TMEM260: variants seen among roughly 807,000 people sequenced by gnomAD.
The protein encoded by TMEM260 is protein O-mannosyl-transferase TMEM260.
In TMEM260, 82 loss-of-function variants were observed where a neutral mutation model predicts 88.9. That is an observed-to-expected ratio of 0.92 (90% CI 0.77 to 1.11). The LOEUF (loss-of-function observed/expected upper bound fraction) is 1.11. TMEM260 is among the 50% of genes least tolerant of loss of function. The pLI is 0.00. For missense variants in TMEM260, 902 were observed against 853.4 expected, an observed-to-expected ratio of 1.06 and a Z score of -0.71; for synonymous variants, 314 against 309.3, an observed-to-expected ratio of 1.02 and a Z score of -0.16.
At position 56,626,930 on chromosome 14, in the gene TMEM260, C is replaced by T. The variant is rs560145306; in HGVS notation, c.1547+1400C>T. Among the ~76,000 whole-genome samples, 63 of 152,234 alleles carry T rather than the reference C, an allele frequency of 4.1e-4. No individual in the cohort carries two copies. The South Asian group carries it at 4.6e-3, about 11-fold the overall frequency. ...ATAAATGACTTATTTTTAAAACATA[C>T]ACATATTCATACATACTGTATTATA... is the stretch of plus-strand genomic sequence containing the variant. On this transcript the variant is annotated intron_variant, in intron 12 of 15. Transcript: ENST00000261556.
chr14:56,662,015 G>C, the TMEM260 span, among the ~76,000 whole-genome samples: 1 of 152,136 alleles, frequency 6.6e-6, no homozygotes, highest in Admixed American at 6.5e-5. Context: ...GTGAAAGTTA[G>C]GGCCCCCAGA....
intron 12 of TMEM260, among the ~76,000 whole-genome samples, chr14:56,630,074 T>A (rs1391711386): frequency 6.6e-6 from 1 of 152,080 alleles, no homozygotes; most frequent in Non-Finnish European, 1.5e-5. Context: ...AAAAGTAAGT[T>A]AATTTTTTTG....
chr14:56,656,924 C>G, the TMEM260 span, among the ~76,000 whole-genome samples: 1 of 152,160 alleles, frequency 6.6e-6, no homozygotes, highest in South Asian at 2.1e-4. Flanking sequence ...GTGCACAATT[C>G]ATTTTCACGA....
intron 7 of TMEM260, among the ~76,000 whole-genome samples, chr14:56,614,796 G>A (rs1212495223): frequency 6.6e-6 from 1 of 152,164 alleles, no homozygotes; most frequent in Non-Finnish European, 1.5e-5. Context: ...GAATGAGAAT[G>A]TCTAGTCTTT....
In TMEM260 at chr14:56,579,905, C is replaced by T; in HGVS notation, c.-10C>T. The T allele has an allele frequency of 8.1e-7, 1 of 1,233,136 alleles. No individual in the cohort carries two copies. Among genetic ancestry groups the T allele is most frequent in the Non-Finnish European group, 1.0e-6 (1 of 987,838 alleles). The allele number at this position is 1,233,136 out of a possible 1,614,324, so 76.4% of individuals were successfully genotyped here. A position where few individuals can be genotyped will look rare whatever the true frequency, so the allele number is the denominator to read the frequency against. On this transcript the variant is annotated 5_prime_UTR_variant, in exon 1 of 16. Transcript: ENST00000261556. The stretch of plus-strand genomic sequence containing the variant: ...TGGCCGTGTCCTTCTCCCTCGGTCG[C>T]CACTGGCCCATGAGTCCCCATGGCG...
chr14:56,646,730 T>G, intron 15 of TMEM260, among the ~76,000 whole-genome samples: 1 of 152,246 alleles, frequency 6.6e-6, no homozygotes, highest in East Asian at 1.9e-4. Context: ...GTCTGGATTG[T>G]TTTATCGTTG....
At chr14:56,599,065 A>G (rs1886411401) in intron 3 of TMEM260, among the ~76,000 whole-genome samples, 1 of 151,890 alleles carries the variant, frequency 6.6e-6, no homozygotes, top group African/African-American at 2.4e-5. Context: ...TTTAGCTTTC[A>G]TTTCATTCAT....
intron 7 of TMEM260, among the ~76,000 whole-genome samples, chr14:56,614,290 G>A (rs951535767): frequency 1.3e-5 from 2 of 151,168 alleles, no homozygotes; most frequent in Non-Finnish European, 2.9e-5. Context: ...TGAGGTGAGA[G>A]GATCGCTTGA....
intron 15 of TMEM260, among the ~76,000 whole-genome samples, chr14:56,640,550 A>C (rs1432684197): frequency 6.6e-6 from 1 of 152,180 alleles, no homozygotes; most frequent in Non-Finnish European, 1.5e-5. Context: ...TGGGGAAAAA[A>C]CAGCAGAAAA....
intron 12 of TMEM260, among the ~76,000 whole-genome samples, chr14:56,632,168 T>C (rs1420286568): frequency 6.6e-6 from 1 of 152,222 alleles, no homozygotes; most frequent in Non-Finnish European, 1.5e-5. Flanking sequence ...CTCCTTTCTG[T>C]GGTCACCCCA....
At chr14:56,622,877 C>T (rs1350874929) in intron 11 of TMEM260, among the ~76,000 whole-genome samples, 2 of 152,072 alleles carry the variant, frequency 1.3e-5, no homozygotes, top group African/African-American at 2.4e-5. Flanking sequence ...TAAGCAGTTG[C>T]ATTTATATCA....
intron 3 of TMEM260, among the ~76,000 whole-genome samples, chr14:56,587,671 G>T (rs1190092769): frequency 1.3e-5 from 2 of 151,902 alleles, no homozygotes; most frequent in African/African-American, 4.8e-5. Flanking sequence ...TGGAAAAGTT[G>T]CTTTCTTTCA....
At chr14:56,658,102 A>T in the TMEM260 span, among the ~76,000 whole-genome samples, 13 of 152,262 alleles carry the variant, frequency 8.5e-5, no homozygotes, top group African/African-American at 2.6e-4. Flanking sequence ...AAATTTCTAG[A>T]GGGATGTTGA....
chr14:56,660,928 C>T, the TMEM260 span, among the ~76,000 whole-genome samples: 3 of 152,202 alleles, frequency 2.0e-5, no homozygotes, highest in African/African-American at 7.2e-5. Context: ...CAGTCTCCTG[C>T]CTCAAATACA....
intron 15 of TMEM260, among the ~76,000 whole-genome samples, chr14:56,644,900 T>G (rs1471922772): frequency 3.3e-5 from 5 of 152,170 alleles, no homozygotes; most frequent in Non-Finnish European, 5.9e-5. Context: ...AAGATGCTCA[T>G]CATCACTGGC....
In TMEM260 at chr14:56,615,478, A is replaced by G. The variant is rs1264865677; in HGVS notation, c.858-466A>G. On this transcript the variant is annotated intron_variant, in intron 7 of 15. Coordinates refer to ENST00000261556, the MANE Select transcript of TMEM260 (RefSeq NM_017799.4). ...CAATTAAGGAAAAAAATAACCCACA[A>G]AAGAATGGCTGGGAATTATCTCTCA... The G allele has an allele frequency of 4.6e-5, 7 of 152,390 alleles. No individual in the cohort carries two copies. The East Asian group carries it at 1.2e-3, about 25-fold the overall frequency. 9.4% of individuals were successfully genotyped at this position (152,390 alleles called of 1,614,324 possible).
In TMEM260 at chr14:56,617,236, A is replaced by T. The variant is rs996201022; in HGVS notation, c.995A>T (p.Tyr332Phe). 24 of 1,606,786 alleles carry T rather than the reference A, an allele frequency of 1.5e-5. No homozygotes were observed. The highest frequency in any genetic ancestry group is 1.8e-5 in the Non-Finnish European group (21 of 1,177,394). ...CTTTTTACTGGAATGTTTTGCATTT[A>T]TTCATTGTTCTTTGCTTGGAGAGCA... ...VWLFTGMFCIYSLFFAWRANL... is the reference protein window; with the variant it reads ...VWLFTGMFCIFSLFFAWRANL... Residue 332 changes from tyrosine to phenylalanine, a missense_variant, in exon 9 of 16, where the codon TAT (tyrosine) becomes TTT (phenylalanine). Coordinates refer to ENST00000261556, the MANE Select transcript of TMEM260 (RefSeq NM_017799.4).
At chr14:56,579,699 A>T, upstream of TMEM260, 1 of 399,338 alleles carries the variant, frequency 2.5e-6, no homozygotes, top group Non-Finnish European at 4.4e-6. Flanking sequence ...TGCGTGGTGC[A>T]CTGCGGGAAA....
At chr14:56,627,843 A>G (rs934137777) in intron 12 of TMEM260, among the ~76,000 whole-genome samples, 2 of 152,242 alleles carry the variant, frequency 1.3e-5, no homozygotes, top group Non-Finnish European at 2.9e-5. Context: ...TGTAACCACC[A>G]CAACAGTCAG....
Sources: allele counts gnomAD v4.1 joint callset (sites outside exome capture counted in the v4.1 genomes callset), GRCh38; gene constraint gnomAD v4.1.1; transcripts MANE v1.5; gene names NCBI Gene and HGNC (gene_info 2026-07-23, HGNC 2026-07-21).